Variants in EXOC6 observed in about 807,000 individuals in gnomAD.
EXOC6 encodes the protein SEC15-like 1.
EXOC6 carries 60 observed loss-of-function variants against 112.5 expected under a neutral mutation model. The ratio of observed to expected loss-of-function variants is 0.53; its 90% CI spans 0.43 to 0.66. The LOEUF is 0.66. Among genes scored for constraint, EXOC6 ranks in the 30% least tolerant of loss-of-function variants. EXOC6 has a pLI of 0.00. For synonymous variants in EXOC6, 295 were observed against 308.0 expected, an observed-to-expected ratio of 0.96 and a Z score of 0.44; for missense variants, 855 against 957.1, an observed-to-expected ratio of 0.89 and a Z score of 1.41.
chr10:92,847,782 C>A (rs1480346195), upstream of EXOC6, among the ~76,000 whole-genome samples: 1 of 150,620 alleles, frequency 6.6e-6, no homozygotes, highest in Admixed American at 6.6e-5. Context: ...CTACTCTGAC[C>A]TGGGGGCACC....
intron 1 of EXOC6, among the ~76,000 whole-genome samples, chr10:92,837,097 A>ACAC (rs112851564): frequency 5.7e-5 from 8 of 139,778 alleles, no homozygotes; most frequent in Admixed American, 2.2e-4. Context: ...GTTATAACAT[A>ACAC]ACACACACAC....
chr10:92,950,136 TAGTTAA>T (rs1420917497), intron 14 of EXOC6, among the ~76,000 whole-genome samples: 1 of 152,224 alleles, frequency 6.6e-6, no homozygotes, highest in Non-Finnish European at 1.5e-5. Context: ...GAACTGTTAA[TAGTTAA>T]AGTCACATGG....
chr10:92,845,073 A>G (rs917298808), upstream of EXOC6, among the ~76,000 whole-genome samples: 1 of 152,248 alleles, frequency 6.6e-6, no homozygotes, highest in Non-Finnish European at 1.5e-5. Context: ...TACTGGACAC[A>G]AAATGCATCT....
At chr10:92,905,550 TC>T (rs1850394015) in intron 5 of EXOC6, among the ~76,000 whole-genome samples, 1 of 152,098 alleles carries the variant, frequency 6.6e-6, no homozygotes, top group African/African-American at 2.4e-5. Flanking sequence ...GTTTCTTTTT[TC>T]CCAGTCTTAA....
At chr10:93,040,898 T>A (rs1015895553) in intron 20 of EXOC6, among the ~76,000 whole-genome samples, 1 of 152,196 alleles carries the variant, frequency 6.6e-6, no homozygotes, top group Non-Finnish European at 1.5e-5. Context: ...AATGTTGGTT[T>A]CCCCAAGGTT....
intron 13 of EXOC6, among the ~76,000 whole-genome samples, chr10:92,943,619 T>A (rs1852799100): frequency 6.6e-6 from 1 of 152,170 alleles, no homozygotes; most frequent in Non-Finnish European, 1.5e-5. Context: ...TTTTATAGAT[T>A]TATGAGGTAC....
chr10:92,847,668 G>T (rs536648189), upstream of EXOC6, among the ~76,000 whole-genome samples: 1 of 152,060 alleles, frequency 6.6e-6, no homozygotes, highest in East Asian at 1.9e-4. Flanking sequence ...CATTAAGCAC[G>T]ACTTTTTTCT....
chr10:93,011,340 T>C (rs1844236789), intron 19 of EXOC6, among the ~76,000 whole-genome samples: 1 of 151,982 alleles, frequency 6.6e-6, no homozygotes, highest in Non-Finnish European at 1.5e-5. Context: ...CAGTGCAGCC[T>C]CAACCTCCTG....
intron 5 of EXOC6, chr10:92,900,887 A>C (rs1387954291): frequency 1.3e-5 from 2 of 152,094 alleles, no homozygotes; most frequent in Non-Finnish European, 2.9e-5. Context: ...ACTATCCCCA[A>C]AATGTCTTAC....
intron 18 of EXOC6, among the ~76,000 whole-genome samples, chr10:92,982,041 G>T (rs539044517): frequency 6.6e-6 from 1 of 152,170 alleles, no homozygotes; most frequent in Admixed American, 6.5e-5. Context: ...ACTTGAACCC[G>T]GGAGGCAGAG....
intron 13 of EXOC6, among the ~76,000 whole-genome samples, chr10:92,942,380 G>T (rs1852716240): frequency 6.6e-6 from 1 of 152,162 alleles, no homozygotes; most frequent in Admixed American, 6.6e-5. Flanking sequence ...GCACAAAAGG[G>T]CAAGACTGTG....
At chr10:93,039,045 A>C (rs1845648552) in intron 20 of EXOC6, among the ~76,000 whole-genome samples, 1 of 152,122 alleles carries the variant, frequency 6.6e-6, no homozygotes, top group South Asian at 2.1e-4. Flanking sequence ...AAGGCCGGTC[A>C]TGGTGGCTCA....
intron 20 of EXOC6, among the ~76,000 whole-genome samples, chr10:93,056,158 G>T (rs1846529792): frequency 6.6e-6 from 1 of 152,118 alleles, no homozygotes; most frequent in African/African-American, 2.4e-5. Context: ...TTTTAAAGTT[G>T]GATAAAGAGT....
At chr10:92,834,239 C>T (rs1236471259), upstream of EXOC6, among the ~76,000 whole-genome samples, 3 of 152,102 alleles carry the variant, frequency 2.0e-5, no homozygotes, top group Non-Finnish European at 4.4e-5. Flanking sequence ...GGGCAAATTA[C>T]CTCCTTGGGT....
At chr10:92,862,480 G>A (rs1475017666) in intron 1 of EXOC6, among the ~76,000 whole-genome samples, 2 of 152,118 alleles carry the variant, frequency 1.3e-5, no homozygotes, top group African/African-American at 4.8e-5. Context: ...GATCCTGAGA[G>A]CTAGCTTGCC....
chr10:92,859,124 GT>G (rs201248909), intron 1 of EXOC6, among the ~76,000 whole-genome samples: 2 of 151,578 alleles, frequency 1.3e-5, no homozygotes, highest in Non-Finnish European at 2.9e-5. Flanking sequence ...ATGCCTCATA[GT>G]TTTTTTTTGT....
intron 18 of EXOC6, among the ~76,000 whole-genome samples, chr10:92,976,476 A>G (rs1564880210): frequency 6.6e-6 from 1 of 151,766 alleles, no homozygotes; most frequent in Non-Finnish European, 1.5e-5. Flanking sequence ...CATGCTCGTT[A>G]AGAGTCATCA....
rs765913469 is a variant in EXOC6, at chr10:92,934,449, A to G, written c.1140+19A>G. 26 of 1,529,046 alleles carry G rather than the reference A, an allele frequency of 1.7e-5. No individual in the cohort carries two copies. The highest frequency in any genetic ancestry group is 1.3e-4 in the African/African-American group (9 of 69,736). 94.7% of individuals were successfully genotyped at this position (1,529,046 alleles called of 1,614,324 possible). ...TCATTCAGTAAGTCAGACAATTTAC[A>G]TTACTAAAATTTTAATTCAGTTACT... On this transcript the variant is annotated intron_variant, in intron 11 of 21. Coordinates refer to ENST00000260762, the MANE Select transcript of EXOC6 (RefSeq NM_019053.6).
intron 1 of EXOC6, among the ~76,000 whole-genome samples, chr10:92,856,444 C>T (rs1481557519): frequency 6.6e-6 from 1 of 151,644 alleles, no homozygotes; most frequent in Middle Eastern, 3.2e-3. Context: ...TTATTATTTC[C>T]TCTTTCACTG....
Sources: allele counts gnomAD v4.1 joint callset (sites outside exome capture counted in the v4.1 genomes callset), GRCh38; gene constraint gnomAD v4.1.1; transcripts MANE v1.5; gene names NCBI Gene and HGNC (gene_info 2026-07-23, HGNC 2026-07-21).